The following RHOT2 variants were observed in gnomAD, a reference collection of about 807,000 sequenced individuals.
RHOT2 encodes mitochondrial Rho GTPase 2.
Under a neutral mutation model 81.6 loss-of-function variants are expected in RHOT2, and 90 were observed. That is an observed-to-expected ratio of 1.10 (90% CI 0.93 to 1.31). The LOEUF is 1.31. Among genes scored for constraint, RHOT2 ranks in the 40% most tolerant of loss-of-function variants. The pLI, the probability that RHOT2 is intolerant of heterozygous loss-of-function variation, is 0.00. For missense variants in RHOT2, 1,014 were observed against 841.9 expected, an observed-to-expected ratio of 1.20 and a Z score of -2.53; for synonymous variants, 512 against 370.9, an observed-to-expected ratio of 1.38 and a Z score of -4.37.
chr16:668,602 G>C (rs1555465815), intron 3 of RHOT2, 33 bp downstream of exon 3: 1 of 1,609,092 alleles, frequency 6.2e-7, no homozygotes, highest in South Asian at 1.1e-5. Flanking sequence ...GGCCCGGCCC[G>C]CAGCGGTCCG....
intron 4 of RHOT2, 184 bp from the exon 5 acceptor site, chr16:669,369 C>T (rs2038512342): frequency 1.6e-6 from 1 of 628,224 alleles, no homozygotes; most frequent in Non-Finnish European, 2.9e-6. Context: ...GGAGTGCCTG[C>T]TCTGCCAACA....
chr16:673,276 G>T, intron 18 of RHOT2, 146 bp downstream of exon 18: 2 of 1,232,798 alleles, frequency 1.6e-6, no homozygotes, highest in South Asian at 1.3e-5. Flanking sequence ...TGGAACTGGG[G>T]CCAGAGTGGC....
chr16:668,336 C>T lies in RHOT2; in HGVS notation c.38-17C>T, dbSNP rs1365346143. 4.3e-6 allele frequency: 6 copies of T among 1,384,282 alleles called. No individual in the cohort carries two copies. Among genetic ancestry groups the T allele is most frequent in the African/African-American group, 1.5e-5 (1 of 66,316 alleles). 85.7% of individuals were successfully genotyped at this position (1,384,282 alleles called of 1,614,324 possible). ...CCGTGACCTTGGCCCTCGCGCTGAC[C>T]GCCTCGCCCCGCGCAGCCCAGGTGG... On this transcript the variant is annotated splice_polypyrimidine_tract_variant and intron_variant, in intron 1 of 18. Coordinates refer to ENST00000315082, the MANE Select transcript of RHOT2 (RefSeq NM_138769.3).
Position 673,477 on chromosome 16 carries a change from C to T in RHOT2, c.1731-3C>T, listed in dbSNP as rs1238376698. 2.5e-6 allele frequency: 4 copies of T among 1,612,548 alleles called. No individual in the cohort carries two copies. In the African/African-American group the frequency reaches 5.3e-5, roughly 22 times the overall value. On this transcript the variant is annotated splice_region_variant and splice_polypyrimidine_tract_variant and intron_variant, in intron 18 of 18. Transcript: ENST00000315082. ...ATCTGCAGATGATTCTTCTCTCTTG[C>T]AGACATTTGGTCCACGCAGAGCTGC... is the stretch of plus-strand genomic sequence containing the variant.
At chr16:668,972 C>T (rs1048895319) in intron 4 of RHOT2, 5 of 524,350 alleles carry the variant, frequency 9.5e-6, no homozygotes, top group African/African-American at 8.0e-5. Flanking sequence ...TTCCTGTGGG[C>T]TCTGTGTGCG....
intron 12 of RHOT2, 29 bp downstream of exon 12, chr16:671,810 G>GGCCCCGCCCCCC: frequency 3.8e-6 from 6 of 1,586,198 alleles, no homozygotes; most frequent in Non-Finnish European, 4.3e-6. Flanking sequence ...CCCTGCCCCT[G>GGCCCCGCCCCCC]CCCCCGCCCC....
chr16:670,919 C>G lies in RHOT2; in HGVS notation c.667C>G (p.Pro223Ala). 1 of 1,569,650 alleles carries G rather than the reference C, an allele frequency of 6.4e-7. No homozygotes were observed. Among genetic ancestry groups the G allele is most frequent in the Non-Finnish European group, 8.7e-7 (1 of 1,154,440 alleles). ...ATCCTGCTTTGGGCACCCCCTGGCCCCGCAGGCCCTGGAGGACGTGAAGAC... is the reference window on the plus strand; with the variant it reads ...ATCCTGCTTTGGGCACCCCCTGGCCGCGCAGGCCCTGGAGGACGTGAAGAC... Reference protein sequence around the residue: ...QKSCFGHPLAPQALEDVKTVV... With the variant: ...QKSCFGHPLAAQALEDVKTVV... Residue 223 changes from proline (P) to alanine (A), a missense_variant, in exon 10 of 19, where the codon CCG (proline) becomes GCG (alanine). Coordinates refer to ENST00000315082, the MANE Select transcript of RHOT2 (RefSeq NM_138769.3).
chr16:671,506 G>T (rs1278058283), intron 11 of RHOT2, among the ~76,000 whole-genome samples, 191 bp from the exon 12 acceptor site: 2 of 152,186 alleles, frequency 1.3e-5, no homozygotes, highest in Non-Finnish European at 2.9e-5. Flanking sequence ...CCTCAGCCAG[G>T]CCTCCCACGT....
intron 1 of RHOT2, 50 bp downstream of exon 1, chr16:668,286 T>C: frequency 8.5e-7 from 1 of 1,175,136 alleles, no homozygotes; most frequent in Non-Finnish European, 1.1e-6. Flanking sequence ...TGAGGCGGGG[T>C]GAGGGTCTCG....
In RHOT2 at chr16:669,931, C is replaced by T. The variant is rs2038632412; in HGVS notation, c.277-192C>T. On this transcript the variant is annotated intron_variant, in intron 5 of 18. Transcript: ENST00000315082. ...CAGTGACTTGGGGGTGTTTGGGAGC[C>T]ATTGGGGTCAGACAGATGAGGCTGC... 12 of 620,256 alleles carry T rather than the reference C, an allele frequency of 1.9e-5. No homozygotes were observed. The South Asian group carries it at 2.2e-4, about 12-fold the overall frequency. 38.4% of individuals were successfully genotyped at this position (620,256 alleles called of 1,614,324 possible).
At position 672,768 on chromosome 16, in the gene RHOT2, CTTGATGT is replaced by C. The variant is rs747258011; in HGVS notation, c.1477_1483del (p.Phe493AlafsTer121). The C allele has an allele frequency of 3.1e-6, 5 of 1,612,610 alleles. No homozygotes were observed. The highest frequency in any genetic ancestry group is 4.2e-6 in the Non-Finnish European group (5 of 1,179,994). ...TGGACGCCACCTGTGACGTTGCCTG[CTTGATGT>C]TTGATGGCAGTGACCCAAAGTCCTT... On this transcript the variant is annotated frameshift_variant, in exon 17 of 19. Coordinates refer to ENST00000315082, the MANE Select transcript of RHOT2 (RefSeq NM_138769.3). LOFTEE classifies it high-confidence loss of function.
In RHOT2 at chr16:668,661, G is replaced by A; in HGVS notation, c.184G>A (p.Glu62Lys). ...GAGTCTCTTTGTCCCCCTAGAAGCC[G>A]AGCAGACGGACGAGGAGCTGCGGGA... ...PTHIVDYSEAEQTDEELREEI... is the reference protein window; with the variant it reads ...PTHIVDYSEAKQTDEELREEI... Residue 62 changes from glutamate (E) to lysine (K), a missense_variant, in exon 4 of 19, where the codon GAG becomes AAG. Coordinates refer to ENST00000315082, the MANE Select transcript of RHOT2 (RefSeq NM_138769.3). The A allele has an allele frequency of 1.9e-6, 3 of 1,606,074 alleles. No homozygotes were observed. Among genetic ancestry groups the A allele is most frequent in the East Asian group, 2.3e-5 (1 of 44,192 alleles).
chr16:670,913 CTGG>C lies in RHOT2; in HGVS notation c.662_664del (p.Leu221_Ala222delinsPro), dbSNP rs2038811863. 3.2e-6 allele frequency: 5 copies of C among 1,570,806 alleles called. No homozygotes were observed. Among genetic ancestry groups the C allele is most frequent in the Non-Finnish European group, 4.3e-6 (5 of 1,154,924 alleles). ...GCAGAAATCCTGCTTTGGGCACCCC[CTGG>C]CCCCGCAGGCCCTGGAGGACGTGAA... On this transcript the variant is annotated inframe_deletion, in exon 10 of 19. Transcript: ENST00000315082.
rs746578633 is a variant in RHOT2 at position 672,479 on chromosome 16, C to T, written c.1327-10C>T. 1 of 1,612,428 alleles carries T rather than the reference C, an allele frequency of 6.2e-7. No individual in the cohort carries two copies. Among genetic ancestry groups the T allele is most frequent in the Non-Finnish European group, 8.5e-7 (1 of 1,179,838 alleles). On this transcript the variant is annotated splice_polypyrimidine_tract_variant and intron_variant, in intron 15 of 18. Transcript: ENST00000315082. Reference sequence around the variant, plus strand: ...GCAGCCAGCGAGTGTCAGGACTTCACCTCCCTCAGCACCAGGACACGAGGG... The same window carrying T: ...GCAGCCAGCGAGTGTCAGGACTTCATCTCCCTCAGCACCAGGACACGAGGG...
Position 673,531 on chromosome 16 carries a change from G to A in RHOT2, c.1782G>A (p.Leu594=). 6.2e-7 allele frequency: 1 copy of A among 1,612,620 alleles called. No individual in the cohort carries two copies. The highest frequency in any genetic ancestry group is 1.1e-5 in the South Asian group (1 of 91,080). ...CCTCTTCCTTCTGGCTCCGGGGGCT[G>A]CTGGGGGTTGTCGGGGCCGCCGTGG... ...LHPSSFWLRG[L]LGVVGAAVAA... is the part of the protein sequence containing the mutation. The change falls in exon 19 of 19, where the codon CTG becomes CTA. Residue 594 remains leucine (L), a synonymous_variant. Transcript: ENST00000315082.
Position 673,882 on chromosome 16 carries a change from G to C in RHOT2, c.*276G>C. On this transcript the variant is annotated 3_prime_UTR_variant, in exon 19 of 19. Coordinates refer to ENST00000315082, the MANE Select transcript of RHOT2 (RefSeq NM_138769.3). ...GCTGTCAGGGATTGCCCACCCCTGG[G>C]CATCATGTGTGTGGGGCCGGGGAGC... 1.6e-6 allele frequency: 1 copy of C among 614,088 alleles called. No homozygotes were observed. The highest frequency in any genetic ancestry group is 3.0e-6 in the Non-Finnish European group (1 of 332,860). The allele number at this position is 614,088 out of a possible 1,614,324, so 38.0% of individuals were successfully genotyped here. A position where few individuals can be genotyped will look rare whatever the true frequency, so the allele number is the denominator to read the frequency against.
At chr16:671,804 G>GGCCCGGGC in intron 12 of RHOT2, 23 bp downstream of exon 12, 1 of 1,592,512 alleles carries the variant, frequency 6.3e-7, no homozygotes, top group Non-Finnish European at 8.6e-7. Flanking sequence ...CGAGTCCCCT[G>GGCCCGGGC]CCCCTGCCCC....
chr16:669,837 C>G, intron 5 of RHOT2: 1 of 619,812 alleles, frequency 1.6e-6, no homozygotes, highest in South Asian at 1.9e-5. Flanking sequence ...TCTTTCTTCC[C>G]CAGTTTCCAA....
At chr16:671,461 TGCTGG>T (rs2038923894) in intron 11 of RHOT2, 1 of 724,804 alleles carries the variant, frequency 1.4e-6, no homozygotes, top group African/African-American at 1.8e-5. Context: ...TTGTTTACCC[TGCTGG>T]GGTCGGCAGC....
Sources: allele counts gnomAD v4.1 joint callset (sites outside exome capture counted in the v4.1 genomes callset), GRCh38; gene constraint gnomAD v4.1.1; transcripts MANE v1.5; gene names NCBI Gene and HGNC (gene_info 2026-07-23, HGNC 2026-07-21).